The following ANK3 variants were observed in gnomAD, a reference collection of about 807,000 sequenced individuals.
ANK3 encodes the protein ankyrin 3, also known as ankyrin-3.
In ANK3, 57 loss-of-function variants were observed where a neutral mutation model predicts 370.9. The ratio of observed to expected loss-of-function variants is 0.15; its 90% CI spans 0.12 to 0.19. ANK3 has a LOEUF of 0.19. Among genes scored for constraint, ANK3 ranks in the 10% least tolerant of loss-of-function variants. ANK3 has a pLI of 1.00. For synonymous variants in ANK3, 1,929 were observed against 1,946.3 expected, an observed-to-expected ratio of 0.99 and a Z score of 0.23; for missense variants, 4,439 against 5,302.1, an observed-to-expected ratio of 0.84 and a Z score of 5.06.
intron 1 of ANK3, among the ~76,000 whole-genome samples, chr10:60,677,381 T>G (rs924842246): frequency 3.3e-5 from 5 of 152,214 alleles, no homozygotes; most frequent in African/African-American, 1.2e-4. Flanking sequence ...TAGATTTAAA[T>G]CAGTACATGC....
intron 7 of ANK3, among the ~76,000 whole-genome samples, chr10:60,248,071 A>T (rs974706495): frequency 6.6e-6 from 1 of 152,224 alleles, no homozygotes; most frequent in African/African-American, 2.4e-5. Context: ...CATTCTGTTT[A>T]TCCATTCATC....
intron 2 of ANK3, among the ~76,000 whole-genome samples, chr10:60,542,087 T>C (rs1259175961): frequency 6.6e-6 from 1 of 151,966 alleles, no homozygotes; most frequent in Non-Finnish European, 1.5e-5. Flanking sequence ...CTCATACTAG[T>C]GAACACCACT....
intron 2 of ANK3, among the ~76,000 whole-genome samples, chr10:60,439,436 T>C (rs1275145401): frequency 6.6e-6 from 1 of 152,070 alleles, no homozygotes; most frequent in East Asian, 1.9e-4. Flanking sequence ...CGTAGGAGGA[T>C]CGCTTGAGGC....
intron 2 of ANK3, among the ~76,000 whole-genome samples, chr10:60,477,321 G>C (rs1488467514): frequency 6.6e-6 from 1 of 152,062 alleles, no homozygotes; most frequent in Admixed American, 6.6e-5. Context: ...ACTGGAACAA[G>C]ATCTTGCAAG....
intron 1 of ANK3, among the ~76,000 whole-genome samples, chr10:60,666,518 G>A (rs1013233263): frequency 1.3e-5 from 2 of 152,152 alleles, no homozygotes; most frequent in Non-Finnish European, 2.9e-5. Context: ...GCACAACAGT[G>A]TGAATGTACT....
intron 1 of ANK3, among the ~76,000 whole-genome samples, chr10:60,626,285 C>T (rs1442541): frequency 0.68 from 103,757 of 151,992 alleles, 35,528 homozygotes; most frequent in South Asian, 0.83. Flanking sequence ...AGTTTTAAGA[C>T]ATTTTAAAAA....
chr10:60,338,795 G>T (rs1390040260), intron 1 of ANK3, among the ~76,000 whole-genome samples: 1 of 152,120 alleles, frequency 6.6e-6, no homozygotes, highest in African/African-American at 2.4e-5. Flanking sequence ...CCCCATAGCG[G>T]GAGTTTAATC....
chr10:60,708,191 C>G (rs2079647283), intron 1 of ANK3, among the ~76,000 whole-genome samples: 1 of 152,146 alleles, frequency 6.6e-6, no homozygotes, highest in Non-Finnish European at 1.5e-5. Context: ...TCCAGAATTC[C>G]AGTAATCCAC....
intron 7 of ANK3, among the ~76,000 whole-genome samples, chr10:60,235,461 T>C (rs2097313963): frequency 6.6e-6 from 1 of 152,154 alleles, no homozygotes; most frequent in Non-Finnish European, 1.5e-5. Context: ...ATAGTTATTC[T>C]TCTCTCCAAG....
intron 1 of ANK3, among the ~76,000 whole-genome samples, chr10:60,286,407 A>G (rs979965606): frequency 5.3e-5 from 8 of 152,158 alleles, no homozygotes; most frequent in African/African-American, 1.9e-4. Context: ...CCATGTTGAC[A>G]TGTAACATGT....
chr10:60,140,326 C>T (rs1235945203), intron 23 of ANK3: 1 of 1,612,746 alleles, frequency 6.2e-7, no homozygotes, highest in Non-Finnish European at 8.5e-7. Context: ...AAACAGCACA[C>T]ACCAAGTACA....
At chr10:60,411,809 A>G (rs908607331) in intron 2 of ANK3, among the ~76,000 whole-genome samples, 1 of 152,104 alleles carries the variant, frequency 6.6e-6, no homozygotes, top group Non-Finnish European at 1.5e-5. Flanking sequence ...AGAAGAAAGT[A>G]CTCATGAGAT....
At position 60,108,936 on chromosome 10, in the gene ANK3, G is replaced by A. The variant is rs764659417; in HGVS notation, c.3067C>T (p.Arg1023Cys). The change falls in exon 27 of 44, where the codon CGT (arginine) becomes TGT (cysteine). Residue 1023 changes from arginine (R) to cysteine (C), a missense_variant. Physicochemically the swap from Arg to Cys is radical, Grantham distance 180. This residue lies in a region of ANK3 where 702 missense variants were observed against 941.5 expected (regional missense o/e 0.75). Transcript: ENST00000280772. ...KCTAPTRITC[R>C]LVKRHKLANP... ...GCCAGTTTATGTCTCTTTACCAAAC[G>A]GCAGGTGATTCGAGTGGGGGCCGTA... 4.3e-6 allele frequency: 7 copies of A among 1,613,878 alleles called. No individual in the cohort carries two copies. Among genetic ancestry groups the A allele is most frequent in the South Asian group, 1.1e-5 (1 of 91,084 alleles).
At chr10:60,721,597 T>C (rs1447396740) in intron 1 of ANK3, among the ~76,000 whole-genome samples, 1 of 152,146 alleles carries the variant, frequency 6.6e-6, no homozygotes, top group African/African-American at 2.4e-5. Flanking sequence ...CAATGGACAT[T>C]TGTGGAGTAG....
intron 2 of ANK3, among the ~76,000 whole-genome samples, chr10:60,575,008 T>G (rs979555411): frequency 1.3e-5 from 2 of 152,164 alleles, no homozygotes; most frequent in Non-Finnish European, 2.9e-5. Flanking sequence ...TGAGATTAAA[T>G]TTAGTTCATT....
At chr10:60,691,159 C>T (rs1164807857) in intron 1 of ANK3, among the ~76,000 whole-genome samples, 1 of 152,172 alleles carries the variant, frequency 6.6e-6, no homozygotes, top group Admixed American at 6.5e-5. Context: ...CAAGTCTCCC[C>T]ATCTTTTACA....
At chr10:60,220,062 A>G (rs561977915) in intron 8 of ANK3, among the ~76,000 whole-genome samples, 1 of 152,332 alleles carries the variant, frequency 6.6e-6, no homozygotes, top group East Asian at 1.9e-4. Flanking sequence ...CTGGAAACAT[A>G]CAAAAAATAA....
intron 2 of ANK3, among the ~76,000 whole-genome samples, chr10:60,502,384 C>A (rs1051512425): frequency 1.3e-5 from 2 of 152,204 alleles, no homozygotes; most frequent in African/African-American, 4.8e-5. Context: ...GCTGGACAGA[C>A]CTGAGTTATA....
intron 2 of ANK3, among the ~76,000 whole-genome samples, chr10:60,501,791 T>C (rs1595157145): frequency 1.3e-5 from 2 of 150,140 alleles, no homozygotes; most frequent in African/African-American, 4.9e-5. Context: ...CTGGGTAACA[T>C]AGTGAGACCC....
Sources: allele counts gnomAD v4.1 joint callset (sites outside exome capture counted in the v4.1 genomes callset), GRCh38; gene constraint gnomAD v4.1.1; regional missense constraint gnomAD v4.1.1; transcripts MANE v1.5; gene names NCBI Gene and HGNC (gene_info 2026-07-23, HGNC 2026-07-21).